The following VPS33A variants were observed in gnomAD, a reference collection of about 807,000 sequenced individuals.
The protein encoded by VPS33A is vacuolar protein sorting-associated protein 33A.
A neutral mutation model predicts 71.8 loss-of-function variants in VPS33A; 32 were observed. The ratio of observed to expected loss-of-function variants is 0.45; its 90% CI spans 0.34 to 0.60. The LOEUF (loss-of-function observed/expected upper bound fraction) is 0.60, where lower values mean the gene tolerates loss of function less well. VPS33A is among the 20% of genes least tolerant of loss of function. The pLI, the probability that VPS33A is intolerant of heterozygous loss-of-function variation, is 0.02. For synonymous variants in VPS33A, 311 were observed against 292.7 expected, an observed-to-expected ratio of 1.06 and a Z score of -0.64; for missense variants, 625 against 748.5, an observed-to-expected ratio of 0.84 and a Z score of 1.92.
chr12:122,265,101 G>A (rs1955049783), intron 1 of VPS33A, among the ~76,000 whole-genome samples: 1 of 151,996 alleles, frequency 6.6e-6, no homozygotes, highest in East Asian at 1.9e-4. Context: ...TTTTATTTTA[G>A]TAGAGATGAG....
chr12:122,266,384 G>C lies in VPS33A; in HGVS notation c.25C>G (p.Arg9Gly). ...TCGCGCAACACGTTTAGGTTCACTC[G>C]GCCGTAGGACAGATGAGCCGCCATC... MAAHLSYG[R>G]VNLNVLREAV... is the part of the protein sequence containing the mutation. Residue 9 changes from arginine to glycine, a missense_variant, in exon 1 of 13, where the codon CGA becomes GGA. Transcript: ENST00000267199. 1 of 1,613,560 alleles carries C rather than the reference G, an allele frequency of 6.2e-7. No individual in the cohort carries two copies. The highest frequency in any genetic ancestry group is 1.1e-5 in the South Asian group (1 of 91,082).
In VPS33A at chr12:122,261,320, A is replaced by G; in HGVS notation, c.424T>C (p.Leu142=). 6.2e-7 allele frequency: 1 copy of G among 1,614,068 alleles called. No homozygotes were observed. Among genetic ancestry groups the G allele is most frequent in the Non-Finnish European group, 8.5e-7 (1 of 1,180,002 alleles). Residue 142 remains leucine, a synonymous_variant, in exon 4 of 13, where the codon TTA becomes CTA. Transcript: ENST00000267199. ...GSFIHREEYS[L]DLIPFDGDLL... ...TCCCCATCGAATGGAATGAGATCTA[A>G]GCTGTACTCCTCCCTGTGAATAAAG...
chr12:122,239,985 T>G (rs773267200), intron 8 of VPS33A, 40 bp from the exon 9 acceptor site: 2 of 1,463,048 alleles, frequency 1.4e-6, no homozygotes, highest in Admixed American at 3.4e-5. Flanking sequence ...AGAAATTAAA[T>G]GTTAATTTAC....
At chr12:122,251,799 A>G (rs945735667) in intron 4 of VPS33A, among the ~76,000 whole-genome samples, 2 of 151,992 alleles carry the variant, frequency 1.3e-5, no homozygotes, top group African/African-American at 4.8e-5. Flanking sequence ...GGGGAGGGAT[A>G]GCATTAGGAG....
chr12:122,260,605 G>T (rs1486947088), intron 4 of VPS33A, among the ~76,000 whole-genome samples: 1 of 152,096 alleles, frequency 6.6e-6, no homozygotes, highest in African/African-American at 2.4e-5. Context: ...AGCCAGTATT[G>T]TGAGTTATAA....
At chr12:122,260,825 A>G (rs1454637357) in intron 4 of VPS33A, among the ~76,000 whole-genome samples, 1 of 152,120 alleles carries the variant, frequency 6.6e-6, no homozygotes, top group Non-Finnish European at 1.5e-5. Flanking sequence ...AAATACAAAA[A>G]TCAGCTAAGC....
intron 10 of VPS33A, among the ~76,000 whole-genome samples, chr12:122,237,008 C>CT (rs1324550343): frequency 1.3e-5 from 2 of 152,142 alleles, no homozygotes; most frequent in African/African-American, 4.8e-5. Flanking sequence ...GCTCTGTGTA[C>CT]TTCTGCATTA....
chr12:122,247,779 G>A (rs1013896562), intron 6 of VPS33A, among the ~76,000 whole-genome samples: 13 of 152,218 alleles, frequency 8.5e-5, no homozygotes, highest in African/African-American at 2.6e-4. Flanking sequence ...CCAATAAGTG[G>A]TGACTCCCCA....
chr12:122,244,826 C>T, intron 6 of VPS33A, 64 bp from the exon 7 acceptor site: 2 of 1,509,014 alleles, frequency 1.3e-6, no homozygotes, highest in Non-Finnish European at 1.8e-6. Flanking sequence ...ATCCGGTAAC[C>T]AAGCACAAAA....
At chr12:122,254,846 T>C in intron 4 of VPS33A, among the ~76,000 whole-genome samples, 1 of 151,214 alleles carries the variant, frequency 6.6e-6, no homozygotes. Context: ...AGGTCAGGAG[T>C]TCGAGACCAG....
intron 4 of VPS33A, among the ~76,000 whole-genome samples, chr12:122,254,345 A>T (rs1454584854): frequency 2.6e-5 from 4 of 151,580 alleles, no homozygotes; most frequent in Non-Finnish European, 5.9e-5. Context: ...TGCCATCCGG[A>T]TAAAGTCCTT....
intron 6 of VPS33A, among the ~76,000 whole-genome samples, chr12:122,247,089 C>G (rs890489342): frequency 6.6e-6 from 1 of 152,186 alleles, no homozygotes; most frequent in African/African-American, 2.4e-5. Flanking sequence ...CAGTGGTTGT[C>G]CCAAGGTTTG....
chr12:122,256,073 G>C (rs1954914106), intron 4 of VPS33A, among the ~76,000 whole-genome samples: 1 of 152,104 alleles, frequency 6.6e-6, no homozygotes, highest in Non-Finnish European at 1.5e-5. Flanking sequence ...TGGGATTACG[G>C]GCATGAACCA....
In VPS33A at chr12:122,230,620, G is replaced by C. The variant is rs949246545; in HGVS notation, c.*1626C>G. 6.6e-6 allele frequency: 1 copy of C among 152,148 alleles called. No individual in the cohort carries two copies. The highest frequency in any genetic ancestry group is 1.5e-5 in the Non-Finnish European group (1 of 68,038). The allele number at this position is 152,148 out of a possible 1,614,324, so 9.4% of individuals were successfully genotyped here. A position where few individuals can be genotyped will look rare whatever the true frequency, so the allele number is the denominator to read the frequency against. On this transcript the variant is annotated 3_prime_UTR_variant, in exon 13 of 13. Transcript: ENST00000267199. ...AAACAAAACAAAAACCTCCACTAAT[G>C]AAAAAGGTGGGGAAAAACAATGTGT...
At chr12:122,255,955 C>T (rs1166445811) in intron 4 of VPS33A, among the ~76,000 whole-genome samples, 1 of 152,044 alleles carries the variant, frequency 6.6e-6, no homozygotes, top group Non-Finnish European at 1.5e-5. Flanking sequence ...AGGTGCACAT[C>T]ACCACGTGTG....
chr12:122,247,125 T>C (rs1327077313), intron 6 of VPS33A, among the ~76,000 whole-genome samples: 1 of 152,168 alleles, frequency 6.6e-6, no homozygotes, highest in Non-Finnish European at 1.5e-5. Flanking sequence ...TGGGGTAAGG[T>C]TGGAGGATAA....
intron 10 of VPS33A, 25 bp from the exon 11 acceptor site, chr12:122,235,948 G>T (rs1954624962): frequency 1.9e-6 from 3 of 1,580,400 alleles, no homozygotes; most frequent in African/African-American, 1.4e-5. Flanking sequence ...ATTTGGCCTT[G>T]ATGTCAGATC....
At position 122,249,898 on chromosome 12, in the gene VPS33A, T is replaced by C; in HGVS notation, c.748A>G (p.Ile250Val). 1.2e-6 allele frequency: 2 copies of C among 1,613,726 alleles called. No individual in the cohort carries two copies. The highest frequency in any genetic ancestry group is 1.3e-5 in the African/African-American group (1 of 75,042). Residue 250 changes from isoleucine (I) to valine (V), a missense_variant, in exon 6 of 13, where the codon ATT becomes GTT. Transcript: ENST00000267199. ...TTCTGAATGCCATAAATTTCATCAA[T>C]GAGTCCTTCATATGTCAGCTGAGTG... ...LATQLTYEGL[I>V]DEIYGIQNSY...
intron 8 of VPS33A, among the ~76,000 whole-genome samples, chr12:122,240,205 G>A (rs975438401): frequency 6.6e-5 from 10 of 152,080 alleles, no homozygotes; most frequent in South Asian, 4.1e-4. Flanking sequence ...GCACACACCC[G>A]TAGTCCCAGC....
Sources: allele counts gnomAD v4.1 joint callset (sites outside exome capture counted in the v4.1 genomes callset), GRCh38; gene constraint gnomAD v4.1.1; transcripts MANE v1.5; gene names NCBI Gene and HGNC (gene_info 2026-07-23, HGNC 2026-07-21).